The following NECAB1 variants were observed in gnomAD, a reference collection of about 807,000 sequenced individuals.
NECAB1 encodes the protein N-terminal EF-hand calcium binding protein 1, also known as N-terminal EF-hand calcium-binding protein 1.
NECAB1 carries 29 observed loss-of-function variants against 57.5 expected under a neutral mutation model. The observed-to-expected ratio is 0.50, with a 90% CI of 0.38 to 0.69. The LOEUF is 0.69. NECAB1 is among the 30% of genes least tolerant of loss of function. The pLI is 0.00. For synonymous variants in NECAB1, 142 were observed against 147.7 expected, an observed-to-expected ratio of 0.96 and a Z score of 0.28; for missense variants, 372 against 413.8, an observed-to-expected ratio of 0.90 and a Z score of 0.88.
intron 3 of NECAB1, among the ~76,000 whole-genome samples, chr8:90,865,918 C>T (rs556848070): frequency 6.9e-4 from 105 of 152,302 alleles, no homozygotes; most frequent in African/African-American, 2.5e-3. Flanking sequence ...ATCTGCAGCA[C>T]CTGATCTATT....
At chr8:90,810,883 A>G (rs1448327090) in intron 2 of NECAB1, among the ~76,000 whole-genome samples, 2 of 151,788 alleles carry the variant, frequency 1.3e-5, no homozygotes, top group African/African-American at 2.4e-5. Flanking sequence ...GTCCTCTGGG[A>G]GCTCAGCATC....
At chr8:90,892,980 TTTTCTC>T (rs1214473544) in intron 5 of NECAB1, among the ~76,000 whole-genome samples, 3 of 152,226 alleles carry the variant, frequency 2.0e-5, no homozygotes, top group Admixed American at 2.0e-4. Context: ...TACCAGATGA[TTTTCTC>T]TCCAGCTATG....
chr8:90,911,950 T>C (rs1377151403), intron 5 of NECAB1, among the ~76,000 whole-genome samples: 2 of 152,220 alleles, frequency 1.3e-5, no homozygotes, highest in East Asian at 3.8e-4. Flanking sequence ...ACTATTCTTA[T>C]CCATAGTTAA....
chr8:90,828,008 A>G (rs1812250362), intron 3 of NECAB1, among the ~76,000 whole-genome samples: 1 of 151,986 alleles, frequency 6.6e-6, no homozygotes, highest in South Asian at 2.1e-4. Context: ...GATAGCAGTC[A>G]TAATTCCCAA....
At chr8:90,808,266 T>A (rs867073814) in intron 2 of NECAB1, among the ~76,000 whole-genome samples, 4 of 152,190 alleles carry the variant, frequency 2.6e-5, no homozygotes, top group African/African-American at 9.6e-5. Context: ...AAAACGTGGC[T>A]GCTACCTTAA....
chr8:90,841,234 T>C (rs545425281), intron 3 of NECAB1, among the ~76,000 whole-genome samples: 42 of 150,862 alleles, frequency 2.8e-4, no homozygotes, highest in African/African-American at 1.0e-3. Context: ...CACTCCAGCC[T>C]AGGTGACAGA....
At chr8:90,857,595 C>A (rs1812816576) in intron 3 of NECAB1, among the ~76,000 whole-genome samples, 2 of 152,034 alleles carry the variant, frequency 1.3e-5, no homozygotes, top group Admixed American at 1.3e-4. Flanking sequence ...AACATAATTT[C>A]TATCAGCAAA....
intron 5 of NECAB1, among the ~76,000 whole-genome samples, chr8:90,886,575 G>C (rs181765701): frequency 6.6e-6 from 1 of 152,008 alleles, no homozygotes; most frequent in Admixed American, 6.6e-5. Context: ...GGTGGAGATA[G>C]GGTTTCACTG....
Position 90,907,188 on chromosome 8 carries a change from G to GAGAGAGAGAGAGAGAGAGA in NECAB1, c.358-10303_358-10302insGAGAGAGAGAGAGAGAGAA, listed in dbSNP as rs370070496. On this transcript the variant is annotated intron_variant, in intron 5 of 12. Transcript: ENST00000417640. ...AGAGAGAGAGAGAGAGAGAGAGAGAGAATTAGTAGACTGCATTGTTTTAGC... is the reference window on the plus strand; with the variant it reads ...AGAGAGAGAGAGAGAGAGAGAGAGAGAGAGAGAGAGAGAGAGAGAAATTAGTAGACTGCATTGTTTTAGC... Among the ~76,000 whole-genome samples the GAGAGAGAGAGAGAGAGAGA allele has an allele frequency of 1.1e-4, 16 of 142,518 alleles. No homozygotes were observed. In the East Asian group the frequency reaches 2.2e-3, roughly 20 times the overall value. 93.5% of individuals were successfully genotyped at this position (142,518 alleles called of 152,430 possible).
Position 90,904,699 on chromosome 8 carries a change from A to C in NECAB1, c.358-12793A>C, listed in dbSNP as rs532300998. 2.0e-5 allele frequency among the ~76,000 whole-genome samples: 3 copies of C among 152,184 alleles called. No individual in the cohort carries two copies. The South Asian group carries it at 6.2e-4, about 32-fold the overall frequency. On this transcript the variant is annotated intron_variant, in intron 5 of 12. Coordinates refer to ENST00000417640, the MANE Select transcript of NECAB1 (RefSeq NM_022351.5). Reference sequence around the variant, plus strand: ...TAATGAGAAAATTAGCAGAGAAGACAAATAATAAAAAAAATTGTATATCTA... The same window carrying C: ...TAATGAGAAAATTAGCAGAGAAGACCAATAATAAAAAAAATTGTATATCTA...
rs1426822779 is a variant in NECAB1, at chr8:90,917,619, G to A, written c.485G>A (p.Arg162His). ...ATGGAAACTACTGAGGAGCAAACCC[G>A]TCAAGAAAGGCAATTTACATGTTTT... ...CAMETTEEQT[R>H]QERQGPAKPE... The change falls in exon 6 of 13, where the codon CGT becomes CAT. Residue 162 changes from arginine to histidine, a missense_variant. Transcript: ENST00000417640. 18 of 1,607,118 alleles carry A rather than the reference G, an allele frequency of 1.1e-5. No individual in the cohort carries two copies. The highest frequency in any genetic ancestry group is 3.3e-5 in the South Asian group (3 of 90,106).
At chr8:90,809,954 T>C (rs12679013) in intron 2 of NECAB1, among the ~76,000 whole-genome samples, 80,692 of 152,062 alleles carry the variant, frequency 0.53, 25,045 homozygotes, top group East Asian at 0.85. Flanking sequence ...TTATGCTGTG[T>C]GAGGCATAAT....
chr8:90,896,813 G>A (rs1013757976), intron 5 of NECAB1, among the ~76,000 whole-genome samples: 1 of 151,890 alleles, frequency 6.6e-6, no homozygotes, highest in Admixed American at 6.6e-5. Context: ...CGGATCACCT[G>A]CTCCACCCTA....
rs1352249370 is a variant in NECAB1 at position 90,956,187 on chromosome 8, T to G, written c.*675T>G. 6.6e-6 allele frequency: 1 copy of G among 152,046 alleles called. No individual in the cohort carries two copies. The highest frequency in any genetic ancestry group is 2.4e-5 in the African/African-American group (1 of 41,432). The allele number at this position is 152,046 out of a possible 1,614,324, so 9.4% of individuals were successfully genotyped here. ...TAATACAGCAACATTGTGTCATTTA[T>G]TAGCATCATAATTCTTTGTTATGTA... On this transcript the variant is annotated 3_prime_UTR_variant, in exon 13 of 13. Transcript: ENST00000417640.
chr8:90,873,394 T>C (rs185483251), intron 4 of NECAB1, among the ~76,000 whole-genome samples: 6 of 152,310 alleles, frequency 3.9e-5, no homozygotes, highest in Admixed American at 3.9e-4. Flanking sequence ...TACCTGAAAG[T>C]GCCCATATGG....
intron 2 of NECAB1, 114 bp downstream of exon 2, chr8:90,801,829 C>A: frequency 1.5e-6 from 1 of 672,006 alleles, no homozygotes. Flanking sequence ...TAAAATACTA[C>A]CTTATTGTAC....
intron 12 of NECAB1, among the ~76,000 whole-genome samples, chr8:90,951,775 A>AC (rs397767216): frequency 2.5e-4 from 38 of 151,576 alleles, no homozygotes; most frequent in Admixed American, 1.8e-3. Flanking sequence ...GAAAAAAAAA[A>AC]CCCAGCTAAG....
chr8:90,906,536 G>A (rs964881561), intron 5 of NECAB1, among the ~76,000 whole-genome samples: 1 of 151,996 alleles, frequency 6.6e-6, no homozygotes, highest in Non-Finnish European at 1.5e-5. Context: ...GGCCTTCAAT[G>A]CAAGATTACT....
chr8:90,846,799 G>T (rs544890464), intron 3 of NECAB1, among the ~76,000 whole-genome samples: 61 of 152,216 alleles, frequency 4.0e-4, no homozygotes, highest in African/African-American at 1.4e-3. Flanking sequence ...CCATCAGATC[G>T]CAAGACTATT....
Sources: gnomAD v4.1 joint callset for allele counts (sites outside exome capture counted in the v4.1 genomes callset) on GRCh38, gnomAD v4.1.1 for gene constraint, MANE v1.5 for transcripts, NCBI Gene and HGNC (gene_info 2026-07-23, HGNC 2026-07-21) for gene names.